DNAH9: variants seen among roughly 807,000 people sequenced by gnomAD.
DNAH9 encodes DNAH9 variant protein.
In DNAH9, 345 loss-of-function variants were observed where a neutral mutation model predicts 471.6. That is an observed-to-expected ratio of 0.73 (90% CI 0.67 to 0.80). The LOEUF (loss-of-function observed/expected upper bound fraction) is 0.80, where lower values mean the gene tolerates loss of function less well. DNAH9 is among the 30% of genes least tolerant of loss of function. DNAH9 has a pLI of 0.00. For synonymous variants in DNAH9, 2,093 were observed against 2,123.6 expected (o/e 0.99, Z 0.40); for missense variants, 5,407 against 5,609.2 (o/e 0.96, Z 1.15).
chr17:11,785,089 A>T (rs1968815293), intron 41 of DNAH9, among the ~76,000 whole-genome samples: 1 of 152,098 alleles, frequency 6.6e-6, no homozygotes, highest in African/African-American at 2.4e-5. Flanking sequence ...CCAACTGCTT[A>T]TCTGAATAGT....
rs985710462 is a variant in DNAH9, at chr17:11,652,859, A to T, written c.2452A>T (p.Met818Leu). The change falls in exon 14 of 69, where the codon ATG (methionine) becomes TTG (leucine). Residue 818 changes from methionine (M) to leucine (L), a missense_variant. Physicochemically the swap from Met to Leu is conservative, Grantham distance 15 (BLOSUM62 2). Transcript: ENST00000262442. ...KDNVEEIQNI[M>L]KTWVTPIFKT... ...CAATGTGGAAGAGATCCAAAACATC[A>T]TGAAAACATGGGTGACTCCAATATT... 1.2e-6 allele frequency: 2 copies of T among 1,613,990 alleles called. No homozygotes were observed. The highest frequency in any genetic ancestry group is 4.5e-5 in the East Asian group (2 of 44,894).
intron 15 of DNAH9, among the ~76,000 whole-genome samples, chr17:11,668,522 G>C (rs533714317): frequency 9.2e-5 from 14 of 151,962 alleles, no homozygotes; most frequent in Non-Finnish European, 1.6e-4. Context: ...AAAATTAGCC[G>C]GGCATAGTGT....
At chr17:11,915,879 A>C (rs992437840) in intron 61 of DNAH9, among the ~76,000 whole-genome samples, 1 of 152,196 alleles carries the variant, frequency 6.6e-6, no homozygotes, top group African/African-American at 2.4e-5. Context: ...TATAATTTTA[A>C]CTTATGTTTT....
At chr17:11,955,766 T>G (rs576624428) in intron 67 of DNAH9, among the ~76,000 whole-genome samples, 2 of 152,212 alleles carry the variant, frequency 1.3e-5, no homozygotes, top group Non-Finnish European at 2.9e-5. Flanking sequence ...TCTCCAGCAC[T>G]GGAAATGGAG....
At chr17:11,866,400 G>C (rs1018002478) in intron 50 of DNAH9, among the ~76,000 whole-genome samples, 1 of 152,036 alleles carries the variant, frequency 6.6e-6, no homozygotes, top group African/African-American at 2.4e-5. Context: ...AGGAGTACCC[G>C]GCCGTGTGAG....
intron 49 of DNAH9, among the ~76,000 whole-genome samples, chr17:11,852,539 G>GC (rs1971460059): frequency 6.6e-6 from 1 of 151,978 alleles, no homozygotes; most frequent in South Asian, 2.1e-4. Context: ...TGGGAGCTCA[G>GC]CCCAGTACCT....
intron 66 of DNAH9, among the ~76,000 whole-genome samples, chr17:11,940,502 C>T (rs1974870144): frequency 6.6e-6 from 1 of 152,198 alleles, no homozygotes; most frequent in Non-Finnish European, 1.5e-5. Flanking sequence ...TTGTCTTCTA[C>T]CCCAGCAGCT....
Position 11,821,919 on chromosome 17 carries a change from G to A in DNAH9, c.8708-1G>A. On this transcript the variant is annotated splice_acceptor_variant, in intron 45 of 68. Coordinates refer to ENST00000262442, the MANE Select transcript of DNAH9 (RefSeq NM_001372.4). LOFTEE classifies it high-confidence loss of function. The stretch of plus-strand genomic sequence containing the variant: ...CCTATCTGTGCTCCATTTTTTCCCA[G>A]GGGAGATCCCAGATCTCTACTCTGA... The A allele has an allele frequency of 6.2e-7, 1 of 1,605,378 alleles. No individual in the cohort carries two copies. The highest frequency in any genetic ancestry group is 1.1e-5 in the South Asian group (1 of 89,278).
At chr17:11,851,068 G>A (rs1971403594) in intron 49 of DNAH9, among the ~76,000 whole-genome samples, 1 of 150,904 alleles carries the variant, frequency 6.6e-6, no homozygotes, top group South Asian at 2.1e-4. Flanking sequence ...GTCTTACAGG[G>A]TGGGGGTCGT....
At chr17:11,746,409 A>G (rs1000093301) in intron 31 of DNAH9, among the ~76,000 whole-genome samples, 5 of 152,222 alleles carry the variant, frequency 3.3e-5, no homozygotes, top group African/African-American at 1.2e-4. Flanking sequence ...TAATTAAATA[A>G]CAATCTGCTA....
intron 49 of DNAH9, among the ~76,000 whole-genome samples, chr17:11,847,231 T>G (rs1971258061): frequency 6.6e-6 from 1 of 152,224 alleles, no homozygotes; most frequent in African/African-American, 2.4e-5. Context: ...CATTTGTCAA[T>G]TTTTGCTTTT....
chr17:11,925,462 G>C (rs1051650126), intron 62 of DNAH9: 2 of 281,044 alleles, frequency 7.1e-6, no homozygotes, highest in Non-Finnish European at 1.4e-5. Context: ...GAAACATCAG[G>C]AAGTTCAGGA....
intron 2 of DNAH9, among the ~76,000 whole-genome samples, chr17:11,609,118 A>G (rs1021237965): frequency 9.2e-5 from 14 of 152,210 alleles, no homozygotes; most frequent in African/African-American, 3.1e-4. Context: ...CCACACTGTC[A>G]GGAGTTTCCC....
chr17:11,829,871 T>C (rs1490685363), intron 48 of DNAH9, among the ~76,000 whole-genome samples: 2 of 152,256 alleles, frequency 1.3e-5, no homozygotes, highest in Non-Finnish European at 2.9e-5. Flanking sequence ...TCTGGATCCA[T>C]CTTATTCATT....
chr17:11,605,674 A>ATTTTTTTTTTTTTT (rs59748847), intron 1 of DNAH9, among the ~76,000 whole-genome samples: 31 of 145,004 alleles, frequency 2.1e-4, no homozygotes, highest in African/African-American at 7.5e-4. Flanking sequence ...CAATTTTTCT[A>ATTTTTTTTTTTTTT]TTTTTTTTTT....
intron 66 of DNAH9, among the ~76,000 whole-genome samples, chr17:11,941,429 A>G (rs1319769300): frequency 6.6e-6 from 1 of 152,036 alleles, no homozygotes; most frequent in African/African-American, 2.4e-5. Context: ...TCCTGGGCTT[A>G]CTCATTTATT....
chr17:11,798,432 C>CAAAAAAA (rs71142247), intron 43 of DNAH9, among the ~76,000 whole-genome samples: 1 of 61,596 alleles, frequency 1.6e-5, no homozygotes, highest in Non-Finnish European at 3.0e-5. Flanking sequence ...GACTCTGCCT[C>CAAAAAAA]AAAAAAAAAA....
chr17:11,663,993 C>T (rs2073822025), intron 14 of DNAH9, among the ~76,000 whole-genome samples: 1 of 152,186 alleles, frequency 6.6e-6, no homozygotes, highest in South Asian at 2.1e-4. Context: ...AGATTTATAA[C>T]ATGGCAATAC....
At chr17:11,755,456 C>T (rs548170581) in intron 33 of DNAH9, among the ~76,000 whole-genome samples, 54 of 152,192 alleles carry the variant, frequency 3.5e-4, no homozygotes, top group African/African-American at 1.2e-3. Flanking sequence ...TCCATGAACA[C>T]GGGATATTTT....
Sources: allele counts gnomAD v4.1 joint callset (sites outside exome capture counted in the v4.1 genomes callset), GRCh38; gene constraint gnomAD v4.1.1; transcripts MANE v1.5; gene names NCBI Gene and HGNC (gene_info 2026-07-23, HGNC 2026-07-21).